The following PAK2 variants were observed in gnomAD, a reference collection of about 807,000 sequenced individuals.
PAK2 encodes the protein p21 (RAC1) activated kinase 2, also known as serine/threonine-protein kinase PAK 2.
In PAK2, 21 loss-of-function variants were observed where a neutral mutation model predicts 65.9. The ratio of observed to expected loss-of-function variants is 0.32; its 90% CI spans 0.23 to 0.46. The LOEUF is 0.46. Ranked by LOEUF, PAK2 falls within the 20% of genes least tolerant of loss-of-function variation. The probability of loss-of-function intolerance (pLI) is 1.00; values close to 1 mark genes in which losing one functional copy is unlikely to be tolerated. For synonymous variants in PAK2, 204 were observed against 219.7 expected, an observed-to-expected ratio of 0.93 and a Z score of 0.63; for missense variants, 324 against 642.6, an observed-to-expected ratio of 0.50 and a Z score of 5.36.
intron 6 of PAK2, among the ~76,000 whole-genome samples, chr3:196,807,210 A>T (rs1340862512): frequency 6.6e-6 from 1 of 152,168 alleles, no homozygotes; most frequent in African/African-American, 2.4e-5. Flanking sequence ...TCAGTACTGC[A>T]GGTAGAGTGT....
chr3:196,741,674 A>G (rs1025496077), intron 1 of PAK2, among the ~76,000 whole-genome samples: 1 of 152,180 alleles, frequency 6.6e-6, no homozygotes, highest in African/African-American at 2.4e-5. Context: ...CCCTCCAGCA[A>G]GGCTCTGAAA....
intron 2 of PAK2, among the ~76,000 whole-genome samples, chr3:196,787,309 C>T (rs116578457): frequency 0.022 from 3,381 of 151,860 alleles, 62 homozygotes; most frequent in Middle Eastern, 0.068. Flanking sequence ...GGCCGGGCAC[C>T]GTGGCTTATG....
chr3:196,752,233 C>A (rs1038729772), intron 1 of PAK2, among the ~76,000 whole-genome samples: 11 of 152,076 alleles, frequency 7.2e-5, no homozygotes, highest in African/African-American at 2.7e-4. Flanking sequence ...ATGTATTATA[C>A]CACTTTTGTT....
chr3:196,830,526 G>T lies in PAK2; in HGVS notation c.*2121G>T, dbSNP rs1271553467. ...AGAGGCACTTCCCTCCTAAGTCAAA[G>T]ACCATCCTCACTGACTATGTGCCAA... On this transcript the variant is annotated 3_prime_UTR_variant, in exon 15 of 15. Transcript: ENST00000327134. 6.6e-6 allele frequency: 1 copy of T among 152,206 alleles called. No individual in the cohort carries two copies. The allele number at this position is 152,206 out of a possible 1,614,324, so 9.4% of individuals were successfully genotyped here.
Position 196,812,725 on chromosome 3 carries a change from T to G in PAK2, c.823-14T>G. On this transcript the variant is annotated splice_polypyrimidine_tract_variant and intron_variant, in intron 9 of 14. Coordinates refer to ENST00000327134, the MANE Select transcript of PAK2 (RefSeq NM_002577.4). ...TCCTAAACCTGGTTTTTTTCAATCC[T>G]GTTTTCATTATAGGTTGCTATCAAA... 1 of 1,171,304 alleles carries G rather than the reference T, an allele frequency of 8.5e-7. No homozygotes were observed. The highest frequency in any genetic ancestry group is 2.3e-5 in the East Asian group (1 of 42,678). 72.6% of individuals were successfully genotyped at this position (1,171,304 alleles called of 1,614,324 possible). A position where few individuals can be genotyped will look rare whatever the true frequency, so the allele number is the denominator to read the frequency against.
intron 1 of PAK2, among the ~76,000 whole-genome samples, chr3:196,741,905 C>G (rs559526500): frequency 1.3e-5 from 2 of 152,266 alleles, no homozygotes; most frequent in South Asian, 2.1e-4. Flanking sequence ...GGGTATTTCA[C>G]TTCCCTTAGG....
At chr3:196,751,011 C>G (rs918169182) in intron 1 of PAK2, among the ~76,000 whole-genome samples, 2 of 152,128 alleles carry the variant, frequency 1.3e-5, no homozygotes, top group Non-Finnish European at 2.9e-5. Context: ...AACTGAAACT[C>G]GGTACTCATT....
rs182166405 is a variant in PAK2, at chr3:196,830,079, A to C, written c.*1674A>C. The C allele has an allele frequency of 1.3e-5, 2 of 150,520 alleles. No individual in the cohort carries two copies. Among genetic ancestry groups the C allele is most frequent in the Non-Finnish European group, 3.0e-5 (2 of 67,682 alleles). 9.3% of individuals were successfully genotyped at this position (150,520 alleles called of 1,614,324 possible). ...CCATCCTGCAGTAGTATAAATCATG[A>C]ATAAAAAATAATTTTGCTGTTGTAG... On this transcript the variant is annotated 3_prime_UTR_variant, in exon 15 of 15. Coordinates refer to ENST00000327134, the MANE Select transcript of PAK2 (RefSeq NM_002577.4).
chr3:196,766,288 G>T (rs58082815), intron 1 of PAK2, among the ~76,000 whole-genome samples: 1 of 152,016 alleles, frequency 6.6e-6, no homozygotes, highest in East Asian at 1.9e-4. Flanking sequence ...GATACATCAT[G>T]GTAGCTGACA....
intron 6 of PAK2, among the ~76,000 whole-genome samples, chr3:196,807,513 G>T (rs1339460515): frequency 6.6e-6 from 1 of 152,060 alleles, no homozygotes; most frequent in Non-Finnish European, 1.5e-5. Flanking sequence ...TACCATTTTA[G>T]ACCTGGTCAC....
chr3:196,804,809 A>T (rs1348800354), intron 4 of PAK2, among the ~76,000 whole-genome samples: 2 of 22,542 alleles, frequency 8.9e-5, no homozygotes, highest in African/African-American at 2.4e-4. Flanking sequence ...TGTGTGTGAT[A>T]TATATATATA....
At chr3:196,783,805 C>T (rs1714793140) in intron 2 of PAK2, among the ~76,000 whole-genome samples, 1 of 152,046 alleles carries the variant, frequency 6.6e-6, no homozygotes, top group African/African-American at 2.4e-5. Flanking sequence ...TGTTTGGGAA[C>T]CTTTTATGAA....
In PAK2 at chr3:196,831,990, TACAC is replaced by T. The variant is rs546691139; in HGVS notation, c.*3589_*3592del. On this transcript the variant is annotated 3_prime_UTR_variant, in exon 15 of 15. Transcript: ENST00000327134. ...GTGTGTGTATATAAGAAAAAATAGATACACACATTCTTTTTTCTCAGTCAACACA... is the reference window on the plus strand; with the variant it reads ...GTGTGTGTATATAAGAAAAAATAGATACATTCTTTTTTCTCAGTCAACACA... The T allele has an allele frequency of 3.2e-4, 48 of 152,346 alleles. No individual in the cohort carries two copies. The highest frequency in any genetic ancestry group is 1.1e-3 in the African/African-American group (44 of 41,592). 9.4% of individuals were successfully genotyped at this position (152,346 alleles called of 1,614,324 possible).
Position 196,759,521 on chromosome 3 carries a change from T to G in PAK2, c.-22+19364T>G, listed in dbSNP as rs1267839370. On this transcript the variant is annotated intron_variant, in intron 1 of 14. Coordinates refer to ENST00000327134, the MANE Select transcript of PAK2 (RefSeq NM_002577.4). ...TTGTTTTTTTTTTTTTTTTTTTTTT[T>G]TTTTTTTTTTTTTTTTGAGATAGAG... Among the ~76,000 whole-genome samples the G allele has an allele frequency of 5.9e-3, 771 of 130,706 alleles. 19 individuals carry two copies. The highest frequency in any genetic ancestry group is 9.8e-3 in the Non-Finnish European group (611 of 62,218). 85.7% of individuals were successfully genotyped at this position (130,706 alleles called of 152,430 possible). A position where few individuals can be genotyped will look rare whatever the true frequency, so the allele number is the denominator to read the frequency against.
At chr3:196,815,364 C>G (rs9755972) in intron 11 of PAK2, among the ~76,000 whole-genome samples, 12 of 151,116 alleles carry the variant, frequency 7.9e-5, no homozygotes, top group Non-Finnish European at 1.3e-4. Flanking sequence ...TGGTGGTGCA[C>G]GCCTGTAATC....
At chr3:196,746,955 C>A (rs1329023717) in intron 1 of PAK2, among the ~76,000 whole-genome samples, 1 of 151,856 alleles carries the variant, frequency 6.6e-6, no homozygotes, top group Non-Finnish European at 1.5e-5. Flanking sequence ...AAATCTGTTA[C>A]TATATAGGTG....
intron 1 of PAK2, among the ~76,000 whole-genome samples, chr3:196,745,967 G>A (rs1481886670): frequency 6.6e-6 from 1 of 151,282 alleles, no homozygotes; most frequent in African/African-American, 2.4e-5. Context: ...CTTTTCTATG[G>A]TTACAATATT....
intron 1 of PAK2, among the ~76,000 whole-genome samples, chr3:196,750,491 A>T (rs1713537411): frequency 6.6e-6 from 1 of 152,136 alleles, no homozygotes; most frequent in Non-Finnish European, 1.5e-5. Context: ...GATCTTCATT[A>T]TGAATTGTAC....
intron 1 of PAK2, among the ~76,000 whole-genome samples, chr3:196,757,472 T>C (rs566898576): frequency 2.6e-5 from 4 of 152,202 alleles, no homozygotes; most frequent in Admixed American, 6.6e-5. Flanking sequence ...TGTGAAAATA[T>C]CAAAAGCAGG....
Sources: gnomAD v4.1 joint callset for allele counts (sites outside exome capture counted in the v4.1 genomes callset) on GRCh38, gnomAD v4.1.1 for gene constraint, MANE v1.5 for transcripts, NCBI Gene and HGNC (gene_info 2026-07-23, HGNC 2026-07-21) for gene names.